Variants in TG observed in about 807,000 individuals in gnomAD.
The protein encoded by TG is thyroglobulin.
A neutral mutation model predicts 324.7 loss-of-function variants in TG; 270 were observed. The ratio of observed to expected loss-of-function variants is 0.83; its 90% CI spans 0.75 to 0.92. The LOEUF is 0.92. TG is among the 40% of genes least tolerant of loss of function. The pLI, the probability that TG is intolerant of heterozygous loss-of-function variation, is 0.00. For missense variants in TG, 3,591 were observed against 3,456.4 expected (o/e 1.04, Z -0.98); for synonymous variants, 1,401 against 1,327.0 (o/e 1.06, Z -1.21).
At chr8:132,909,582 G>T (rs2687834) in intron 18 of TG, among the ~76,000 whole-genome samples, 62,072 of 151,932 alleles carry the variant, frequency 0.41, 15,547 homozygotes, top group Admixed American at 0.53. Flanking sequence ...GAGCTTCTAA[G>T]AAGGGAGTCT....
chr8:132,987,952 G>A (rs1361883974), intron 35 of TG, among the ~76,000 whole-genome samples: 1 of 152,016 alleles, frequency 6.6e-6, no homozygotes, highest in Non-Finnish European at 1.5e-5. Flanking sequence ...CAAGACAGGT[G>A]CATGAGATTT....
intron 41 of TG, among the ~76,000 whole-genome samples, chr8:133,087,066 A>G (rs377379353): frequency 1.0e-4 from 14 of 139,470 alleles, no homozygotes; most frequent in African/African-American, 3.5e-4. Context: ...TCCTGAATAT[A>G]TGTTTACACA....
At chr8:132,967,216 A>T (rs951502043) in intron 30 of TG, among the ~76,000 whole-genome samples, 4 of 119,300 alleles carry the variant, frequency 3.4e-5, no homozygotes, top group Admixed American at 3.2e-4. Context: ...CCATCCATCC[A>T]TCCATCCATC....
In TG at chr8:132,963,091, C is replaced by T; in HGVS notation, c.5548+17C>T. On this transcript the variant is annotated intron_variant, in intron 29 of 47. Coordinates refer to ENST00000220616, the MANE Select transcript of TG (RefSeq NM_003235.5). ...CAGAAGCAGGTACTGACCCCCAAACCTTCTTACACACTTGGGTGTCTGAAT... is the reference window on the plus strand; with the variant it reads ...CAGAAGCAGGTACTGACCCCCAAACTTTCTTACACACTTGGGTGTCTGAAT... The T allele has an allele frequency of 8.1e-6, 13 of 1,612,996 alleles. No homozygotes were observed. The highest frequency in any genetic ancestry group is 1.1e-5 in the Non-Finnish European group (13 of 1,178,956).
chr8:132,905,829 C>G (rs1159266348), intron 16 of TG, among the ~76,000 whole-genome samples: 1 of 152,128 alleles, frequency 6.6e-6, no homozygotes, highest in East Asian at 1.9e-4. Context: ...AGAACCATGA[C>G]AGTGGTAGAA....
At chr8:133,080,152 T>C (rs1431608434) in intron 41 of TG, among the ~76,000 whole-genome samples, 1 of 151,632 alleles carries the variant, frequency 6.6e-6, no homozygotes, top group East Asian at 1.9e-4. Context: ...GGCATGAAAA[T>C]CAAGAGGAAA....
intron 41 of TG, chr8:133,074,839 T>C: frequency 1.0e-6 from 1 of 985,064 alleles, no homozygotes; most frequent in Non-Finnish European, 1.2e-6. Context: ...CTCTGCCACA[T>C]ACTCCCAAAA....
At chr8:132,943,271 G>A (rs963374043) in intron 26 of TG, among the ~76,000 whole-genome samples, 3 of 152,060 alleles carry the variant, frequency 2.0e-5, no homozygotes, top group Non-Finnish European at 4.4e-5. Context: ...AGTTCTTCTT[G>A]CAAGATCCTT....
chr8:133,035,890 C>G (rs77272183), intron 41 of TG, among the ~76,000 whole-genome samples: 2,618 of 152,256 alleles, frequency 0.017, 83 homozygotes, highest in African/African-American at 0.06. Flanking sequence ...GGTCTTACCC[C>G]CTACTTGGAT....
chr8:132,923,700 A>C (rs1357922502), intron 22 of TG, among the ~76,000 whole-genome samples, 192 bp downstream of exon 22: 1 of 152,238 alleles, frequency 6.6e-6, no homozygotes, highest in Non-Finnish European at 1.5e-5. Flanking sequence ...AAAATTGTTA[A>C]CATTTCACTC....
At chr8:133,077,710 T>C (rs1845107393) in intron 41 of TG, among the ~76,000 whole-genome samples, 1 of 151,482 alleles carries the variant, frequency 6.6e-6, no homozygotes, top group Admixed American at 6.6e-5. Context: ...TTGGACATTT[T>C]GGATCAGGGC....
At chr8:132,955,372 A>G (rs1158425332) in intron 27 of TG, among the ~76,000 whole-genome samples, 6 of 152,168 alleles carry the variant, frequency 3.9e-5, no homozygotes, top group African/African-American at 1.4e-4. Flanking sequence ...TTAAGACAGA[A>G]CCAATACTAT....
chr8:132,905,699 G>T (rs941262052), intron 16 of TG, among the ~76,000 whole-genome samples: 1 of 152,080 alleles, frequency 6.6e-6, no homozygotes, highest in Non-Finnish European at 1.5e-5. Context: ...TTTCCCTGTG[G>T]ACTCAACCCA....
rs751787175 is a variant in TG at position 132,906,896 on chromosome 8, C to T, written c.3843C>T (p.Cys1281=). ...WESQLPQPRA[C]QRPQLWQTIQ... is the part of the protein sequence containing the mutation. ...CACAGCTGCCTCAGCCCCGGGCCTG[C>T]CAACGTGAGTGGCATCAGAGCATCT... Residue 1281 remains cysteine (C), a synonymous_variant, in exon 17 of 48, where the codon TGC becomes TGT. Coordinates refer to ENST00000220616, the MANE Select transcript of TG (RefSeq NM_003235.5). 3 of 1,610,896 alleles carry T rather than the reference C, an allele frequency of 1.9e-6. No homozygotes were observed. Among genetic ancestry groups the T allele is most frequent in the Non-Finnish European group, 2.5e-6 (3 of 1,178,764 alleles).
At chr8:132,967,022 C>T (rs1587613123) in intron 30 of TG, among the ~76,000 whole-genome samples, 2 of 147,714 alleles carry the variant, frequency 1.4e-5, no homozygotes, top group Non-Finnish European at 3.0e-5. Context: ...CCCATCCATC[C>T]TTCCATCCCA....
intron 4 of TG, 132 bp from the exon 5 acceptor site, chr8:132,872,930 A>G: frequency 9.8e-7 from 1 of 1,020,338 alleles, no homozygotes; most frequent in Non-Finnish European, 1.5e-6. Flanking sequence ...TTCACACGAC[A>G]ATGAAACCGC....
At chr8:133,021,689 G>T (rs1835578638) in intron 39 of TG, among the ~76,000 whole-genome samples, 1 of 152,054 alleles carries the variant, frequency 6.6e-6, no homozygotes, top group Non-Finnish European at 1.5e-5. Context: ...GTCTTTATGT[G>T]GCCTTCCCTC....
In TG at chr8:133,018,010, T is replaced by G. The variant is rs1186785096; in HGVS notation, c.6782+13T>G. ...CCAGCAAGCCAAGGTATGGGTTGAG[T>G]GGAGCACATCTTGGTAAATGCTCAG... On this transcript the variant is annotated intron_variant, in intron 38 of 47. Coordinates refer to ENST00000220616, the MANE Select transcript of TG (RefSeq NM_003235.5). The G allele has an allele frequency of 6.2e-7, 1 of 1,612,824 alleles. No individual in the cohort carries two copies. Among genetic ancestry groups the G allele is most frequent in the Non-Finnish European group, 8.5e-7 (1 of 1,179,086 alleles).
intron 35 of TG, chr8:133,002,390 C>T (rs1564061893): frequency 5.1e-6 from 5 of 985,450 alleles, no homozygotes; most frequent in South Asian, 9.4e-5. Context: ...AATATCTGGC[C>T]ACTTTCTAAG....
Sources: allele counts gnomAD v4.1 joint callset (sites outside exome capture counted in the v4.1 genomes callset), GRCh38; gene constraint gnomAD v4.1.1; transcripts MANE v1.5; gene names NCBI Gene and HGNC (gene_info 2026-07-23, HGNC 2026-07-21).